ROBO2: variants seen among roughly 807,000 people sequenced by gnomAD.
The protein encoded by ROBO2 is roundabout homolog 2.
In ROBO2, 53 loss-of-function variants were observed where a neutral mutation model predicts 160.8. The observed-to-expected ratio is 0.33, with a 90% CI of 0.26 to 0.41. ROBO2 has a LOEUF of 0.41. Among genes scored for constraint, ROBO2 ranks in the 10% least tolerant of loss-of-function variants. The probability of loss-of-function intolerance (pLI) is 1.00; values close to 1 mark genes in which losing one functional copy is unlikely to be tolerated. For missense variants in ROBO2, 1,577 were observed against 1,722.4 expected (o/e 0.92, Z 1.49); for synonymous variants, 664 against 611.7 (o/e 1.09, Z -1.26).
intron 2 of ROBO2, among the ~76,000 whole-genome samples, chr3:76,456,918 C>T (rs948382548): frequency 6.6e-6 from 1 of 152,152 alleles, no homozygotes; most frequent in Non-Finnish European, 1.5e-5. Context: ...GAGACTTACT[C>T]ACTATCACAA....
chr3:77,004,840 T>C (rs1439967944), intron 2 of ROBO2, among the ~76,000 whole-genome samples: 1 of 152,166 alleles, frequency 6.6e-6, no homozygotes, highest in Non-Finnish European at 1.5e-5. Flanking sequence ...GGGCTTCTCA[T>C]GCAGTCCCCA....
chr3:76,633,507 C>G (rs371641730), intron 2 of ROBO2, among the ~76,000 whole-genome samples: 4 of 152,160 alleles, frequency 2.6e-5, no homozygotes, highest in Admixed American at 2.6e-4. Flanking sequence ...GAAAAAGACA[C>G]GAAGGAGAAA....
chr3:77,209,656 G>C (rs1457548724), intron 2 of ROBO2, among the ~76,000 whole-genome samples: 1 of 152,142 alleles, frequency 6.6e-6, no homozygotes, highest in African/African-American at 2.4e-5. Flanking sequence ...AGGAAGCCTT[G>C]ATCAGCCTAT....
intron 2 of ROBO2, among the ~76,000 whole-genome samples, chr3:76,305,699 C>T (rs2071310955): frequency 1.3e-5 from 2 of 151,430 alleles, no homozygotes; most frequent in South Asian, 4.2e-4. Flanking sequence ...GCGGAGGTTG[C>T]AATGAGCTGA....
intron 2 of ROBO2, among the ~76,000 whole-genome samples, chr3:76,745,815 ATTTAT>A (rs1292159671): frequency 1.4e-4 from 21 of 148,550 alleles, no homozygotes; most frequent in Non-Finnish European, 1.9e-4. Flanking sequence ...TTATTTATTT[ATTTAT>A]TTATTTATTT....
intron 2 of ROBO2, among the ~76,000 whole-genome samples, chr3:76,675,651 T>G (rs1195338321): frequency 2.0e-5 from 3 of 152,180 alleles, no homozygotes; most frequent in African/African-American, 7.2e-5. Context: ...CCTACGGGAC[T>G]ATGGATCAAC....
intron 5 of ROBO2, among the ~76,000 whole-genome samples, chr3:77,512,236 C>T (rs191392933): frequency 3.9e-4 from 60 of 151,920 alleles, no homozygotes; most frequent in African/African-American, 1.4e-3. Flanking sequence ...ATTAGATTGC[C>T]GAGAAGTGCT....
intron 2 of ROBO2, among the ~76,000 whole-genome samples, chr3:76,030,644 A>T (rs1053611888): frequency 6.6e-5 from 10 of 152,070 alleles, no homozygotes; most frequent in East Asian, 1.9e-4. Flanking sequence ...CATTTCTTGT[A>T]TTTGTCAGGT....
chr3:76,423,973 G>A (rs543069831), intron 2 of ROBO2, among the ~76,000 whole-genome samples: 1 of 152,248 alleles, frequency 6.6e-6, no homozygotes, highest in South Asian at 2.1e-4. Flanking sequence ...AACTGGAAAA[G>A]GGGACTTTGG....
chr3:76,700,263 C>T (rs1408140586), intron 2 of ROBO2, among the ~76,000 whole-genome samples: 1 of 152,086 alleles, frequency 6.6e-6, no homozygotes, highest in Admixed American at 6.6e-5. Flanking sequence ...TTAATTACAA[C>T]TGTGACTCTA....
intron 2 of ROBO2, among the ~76,000 whole-genome samples, chr3:76,515,192 T>A (rs965296811): frequency 6.6e-6 from 1 of 152,162 alleles, no homozygotes; most frequent in African/African-American, 2.4e-5. Flanking sequence ...GCTATAGTTC[T>A]TTTTTAACCC....
At chr3:76,603,332 CAAAA>C (rs61547121) in intron 2 of ROBO2, among the ~76,000 whole-genome samples, 73 of 66,440 alleles carry the variant, frequency 1.1e-3, no homozygotes, top group African/African-American at 1.7e-3. Context: ...ACTCCATCTC[CAAAA>C]AAAAAAAAAA....
At chr3:77,162,320 A>G (rs540838512) in intron 2 of ROBO2, among the ~76,000 whole-genome samples, 1 of 152,344 alleles carries the variant, frequency 6.6e-6, no homozygotes, top group Admixed American at 6.5e-5. Context: ...GTTTAAATAT[A>G]TAATTCTGAA....
At chr3:77,491,444 T>G (rs2086099873) in intron 4 of ROBO2, among the ~76,000 whole-genome samples, 1 of 152,188 alleles carries the variant, frequency 6.6e-6, no homozygotes, top group Non-Finnish European at 1.5e-5. Context: ...CCGCTTCCTA[T>G]GTGAATGATT....
At chr3:77,425,812 C>T (rs981308299) in intron 2 of ROBO2, among the ~76,000 whole-genome samples, 10 of 151,472 alleles carry the variant, frequency 6.6e-5, no homozygotes, top group East Asian at 3.9e-4. Flanking sequence ...TACAGGCATT[C>T]GACACTACAC....
Position 76,554,958 on chromosome 3 carries a change from T to A in ROBO2, c.110-543056T>A, listed in dbSNP as rs138403192. Among the ~76,000 whole-genome samples the A allele has an allele frequency of 1.7e-3, 254 of 152,158 alleles. 3 individuals are homozygous for A. The highest frequency in any genetic ancestry group is 5.6e-3 in the African/African-American group (234 of 41,496). Reference sequence around the variant, plus strand: ...GGCATGGTGAACTGTGAATTTGATGTTGATGCTTGCACAACAAAAGCATGT... The same window carrying A: ...GGCATGGTGAACTGTGAATTTGATGATGATGCTTGCACAACAAAAGCATGT... On this transcript the variant is annotated intron_variant, in intron 2 of 26. Transcript: ENST00000487694.
chr3:76,498,269 C>T (rs2080263244), intron 2 of ROBO2, among the ~76,000 whole-genome samples: 1 of 152,128 alleles, frequency 6.6e-6, no homozygotes, highest in South Asian at 2.1e-4. Flanking sequence ...CCAGGCATTA[C>T]AATGTATTTG....
At chr3:77,018,563 T>C (rs775809815) in intron 2 of ROBO2, among the ~76,000 whole-genome samples, 3 of 152,206 alleles carry the variant, frequency 2.0e-5, no homozygotes, top group Non-Finnish European at 2.9e-5. Context: ...AGTACTAAAA[T>C]ATGTGATGTA....
At chr3:75,937,841 TTATATA>T (rs1158457510) in intron 2 of ROBO2, among the ~76,000 whole-genome samples, 21,172 of 105,426 alleles carry the variant, frequency 0.2, 2,098 homozygotes, top group Middle Eastern at 0.22. Flanking sequence ...GGAATTGATT[TTATATA>T]TATATATATA....
Sources: allele counts gnomAD v4.1 joint callset (sites outside exome capture counted in the v4.1 genomes callset), GRCh38; gene constraint gnomAD v4.1.1; transcripts MANE v1.5; gene names NCBI Gene and HGNC (gene_info 2026-07-23, HGNC 2026-07-21).